AK9: variants seen among roughly 807,000 people sequenced by gnomAD.
The protein encoded by AK9 is adenylate kinase 9.
A neutral mutation model predicts 239.6 loss-of-function variants in AK9; 191 were observed. That is an observed-to-expected ratio of 0.80 (90% CI 0.71 to 0.90). The LOEUF (loss-of-function observed/expected upper bound fraction) is 0.90, where lower values mean the gene tolerates loss of function less well. Ranked by LOEUF, AK9 falls within the 40% of genes least tolerant of loss-of-function variation. The probability of loss-of-function intolerance (pLI) is 0.00; values close to 1 mark genes in which losing one functional copy is unlikely to be tolerated. For missense variants in AK9, 1,995 were observed against 2,214.7 expected (o/e 0.90, Z 1.99); for synonymous variants, 689 against 721.0 (o/e 0.96, Z 0.71).
chr6:109,664,536 T>C (rs1800891111), intron 5 of AK9, among the ~76,000 whole-genome samples: 2 of 152,032 alleles, frequency 1.3e-5, no homozygotes, highest in Admixed American at 6.5e-5. Flanking sequence ...GTGATTCTCC[T>C]GCCTCAGCCT....
intron 13 of AK9, among the ~76,000 whole-genome samples, chr6:109,615,077 C>T (rs114042228): frequency 3.4e-3 from 511 of 152,230 alleles, no homozygotes; most frequent in African/African-American, 0.012. Context: ...GTGAAAGAAA[C>T]ATTACAGATC....
chr6:109,563,982 T>G (rs771199423), intron 23 of AK9, 98 bp downstream of exon 23: 1 of 1,245,954 alleles, frequency 8.0e-7, no homozygotes. Context: ...ATACTGAACA[T>G]TTACTTCATA....
At chr6:109,580,304 G>C (rs1474959) in intron 19 of AK9, among the ~76,000 whole-genome samples, 1 of 151,850 alleles carries the variant, frequency 6.6e-6, no homozygotes, top group African/African-American at 2.4e-5. Context: ...GCACCAAACC[G>C]GCCTTAACGA....
At chr6:109,658,700 C>G (rs1800025740) in intron 7 of AK9, among the ~76,000 whole-genome samples, 1 of 151,744 alleles carries the variant, frequency 6.6e-6, no homozygotes, top group African/African-American at 2.4e-5. Flanking sequence ...ATGACTTTCA[C>G]TTGTTTATGT....
At chr6:109,690,661 T>C (rs1370208462) in intron 1 of AK9, 1 of 152,218 alleles carries the variant, frequency 6.6e-6, no homozygotes, top group Non-Finnish European at 1.5e-5. Flanking sequence ...GTACCTAATT[T>C]GGCATTTATA....
At chr6:109,538,283 G>C (rs983793187) in intron 27 of AK9, among the ~76,000 whole-genome samples, 1 of 152,134 alleles carries the variant, frequency 6.6e-6, no homozygotes, top group Non-Finnish European at 1.5e-5. Context: ...ATGAATCTGG[G>C]TGCTCCTGTA....
chr6:109,499,385 T>G (rs1333776894), intron 35 of AK9, 145 bp from the exon 36 acceptor site: 1 of 543,482 alleles, frequency 1.8e-6, no homozygotes, highest in Non-Finnish European at 2.8e-6. Flanking sequence ...TAAAAGTTAC[T>G]ATTCACATCT....
chr6:109,622,471 TAA>T (rs1794992043), intron 12 of AK9, among the ~76,000 whole-genome samples: 1 of 141,584 alleles, frequency 7.1e-6, no homozygotes, highest in Admixed American at 7.4e-5. Context: ...AATATTAATA[TAA>T]TATATATTAA....
At chr6:109,521,945 T>C (rs1333110174) in intron 29 of AK9, among the ~76,000 whole-genome samples, 1 of 152,054 alleles carries the variant, frequency 6.6e-6, no homozygotes, top group African/African-American at 2.4e-5. Flanking sequence ...ACCATATCAA[T>C]TGGCTACTCT....
At chr6:109,603,777 G>A (rs565484357) in intron 17 of AK9, among the ~76,000 whole-genome samples, 4 of 152,230 alleles carry the variant, frequency 2.6e-5, no homozygotes, top group South Asian at 2.1e-4. Flanking sequence ...GATGGCAGGC[G>A]CCCCTCCCCC....
rs376339323 is a variant in AK9 at position 109,590,911 on chromosome 6, A to C, written c.1843-4839T>G. Among the ~76,000 whole-genome samples, 6 of 152,248 alleles carry C rather than the reference A, an allele frequency of 3.9e-5. No homozygotes were observed. The East Asian group carries it at 1.2e-3, about 29-fold the overall frequency. ...ACTTTACATTATTTCAATTTTTAAA[A>C]TTTTTTTGAGACTTGCCTTGTGGCC... On this transcript the variant is annotated intron_variant, in intron 17 of 40. Coordinates refer to ENST00000424296, the MANE Select transcript of AK9 (RefSeq NM_001145128.3).
chr6:109,550,095 A>G lies in AK9; in HGVS notation c.2959T>C (p.Leu987=), dbSNP rs142373303. 143 of 1,613,624 alleles carry G rather than the reference A, an allele frequency of 8.9e-5. No individual in the cohort carries two copies. Among genetic ancestry groups the G allele is most frequent in the Non-Finnish European group, 1.1e-4 (131 of 1,179,934 alleles). Residue 987 remains leucine (L), a synonymous_variant, in exon 25 of 41, where the codon TTG becomes CTG. Transcript: ENST00000424296. The part of the protein sequence containing the change: ...PEDYVAHEEP[L]KAPPLRICLV... ...AGATAGGAATACTGTCTCACCTTCA[A>G]TGGTTCTTCATGAGCCACATAATCC...
chr6:109,688,749 A>C (rs759894904), intron 1 of AK9, among the ~76,000 whole-genome samples: 1 of 152,186 alleles, frequency 6.6e-6, no homozygotes, highest in Non-Finnish European at 1.5e-5. Context: ...GGTTTCATTA[A>C]ATCTTAAAAC....
intron 24 of AK9, among the ~76,000 whole-genome samples, chr6:109,556,526 T>C (rs142994672): frequency 6.6e-6 from 1 of 152,140 alleles, no homozygotes; most frequent in Admixed American, 6.5e-5. Flanking sequence ...GTGTTCTCTG[T>C]ATTTCCTGAA....
In AK9 at chr6:109,672,127, T is replaced by C. The variant is rs774556913; in HGVS notation, c.222A>G (p.Glu74=). ...TAGGTTTGTTTACCATAACTCCTGA[T>C]TCGGTTTCAGCAGCAATCTGTTCTT... ...ILEEQIAAET[E]SGVMLQSMLI... The change falls in exon 4 of 41, where the codon GAA becomes GAG. Residue 74 remains glutamate (E), a synonymous_variant. Transcript: ENST00000424296. 1 of 1,613,464 alleles carries C rather than the reference T, an allele frequency of 6.2e-7. No individual in the cohort carries two copies.
At chr6:109,606,277 G>A (rs1792870399) in intron 17 of AK9, among the ~76,000 whole-genome samples, 1 of 151,974 alleles carries the variant, frequency 6.6e-6, no homozygotes, top group South Asian at 2.1e-4. Flanking sequence ...TAGATAGATA[G>A]ATAGATAGAT....
chr6:109,634,790 C>T (rs778644641), intron 10 of AK9, among the ~76,000 whole-genome samples: 2 of 152,198 alleles, frequency 1.3e-5, no homozygotes, highest in Non-Finnish European at 2.9e-5. Flanking sequence ...TGAAACCATG[C>T]CCAGTTAGGT....
intron 30 of AK9, 126 bp from the exon 31 acceptor site, chr6:109,516,201 C>A: frequency 3.1e-6 from 3 of 977,064 alleles, no homozygotes; most frequent in Non-Finnish European, 3.0e-6. Flanking sequence ...TTTTCAGCTT[C>A]CAAGTGGCTG....
intron 20 of AK9, among the ~76,000 whole-genome samples, chr6:109,573,913 T>C (rs1188706690): frequency 1.3e-5 from 2 of 152,160 alleles, no homozygotes; most frequent in Non-Finnish European, 2.9e-5. Flanking sequence ...AATGGCTACA[T>C]CAGCACCATT....
Sources: gnomAD v4.1 joint callset for allele counts (sites outside exome capture counted in the v4.1 genomes callset) on GRCh38, gnomAD v4.1.1 for gene constraint, MANE v1.5 for transcripts, NCBI Gene and HGNC (gene_info 2026-07-23, HGNC 2026-07-21) for gene names.